The following MYO18A variants were observed in gnomAD, a reference collection of about 807,000 sequenced individuals.
MYO18A encodes myosin XVIIIA.
In MYO18A, 78 loss-of-function variants were observed where a neutral mutation model predicts 235.8. The ratio of observed to expected loss-of-function variants is 0.33; its 90% CI spans 0.28 to 0.40. The LOEUF (loss-of-function observed/expected upper bound fraction) is 0.40. Ranked by LOEUF, MYO18A falls within the 10% of genes least tolerant of loss-of-function variation. MYO18A has a pLI of 1.00. For missense variants in MYO18A, 2,215 were observed against 2,699.3 expected (o/e 0.82, Z 3.98); for synonymous variants, 977 against 1,077.8 (o/e 0.91, Z 1.83).
intron 2 of MYO18A, among the ~76,000 whole-genome samples, chr17:29,155,979 C>CA (rs1161390134): frequency 6.6e-6 from 1 of 152,110 alleles, no homozygotes; most frequent in African/African-American, 2.4e-5. Flanking sequence ...TTCCAGGAAC[C>CA]AAAACTGTCT....
chr17:29,150,787 C>G (rs1370128524), intron 2 of MYO18A, among the ~76,000 whole-genome samples: 1 of 152,230 alleles, frequency 6.6e-6, no homozygotes, highest in East Asian at 1.9e-4. Context: ...TCTTCTGTGC[C>G]TTTGAAAGAC....
intron 13 of MYO18A, 30 bp from the exon 14 acceptor site, chr17:29,115,129 C>T (rs768879639): frequency 6.3e-6 from 10 of 1,587,348 alleles, no homozygotes; most frequent in East Asian, 2.3e-5. Context: ...GTCAGAGCCT[C>T]GCTGGTTGGC....
At chr17:29,086,361 T>G (rs1197426834) in intron 39 of MYO18A, 77 bp downstream of exon 39, 1 of 1,513,908 alleles carries the variant, frequency 6.6e-7, no homozygotes, top group African/African-American at 1.4e-5. Context: ...GCAACTGTTC[T>G]ACCTGGTCGT....
At chr17:29,079,343 C>T (rs2066060161) in intron 41 of MYO18A, among the ~76,000 whole-genome samples, 1 of 152,236 alleles carries the variant, frequency 6.6e-6, no homozygotes, top group East Asian at 1.9e-4. Flanking sequence ...CTGTGCGTGA[C>T]CACATGGCAA....
At chr17:29,085,846 C>G (rs924559568) in intron 39 of MYO18A, among the ~76,000 whole-genome samples, 198 bp from the exon 40 acceptor site, 1 of 152,188 alleles carries the variant, frequency 6.6e-6, no homozygotes, top group African/African-American at 2.4e-5. Context: ...GCACCTCTCC[C>G]CTGCCCCAAA....
In MYO18A at chr17:29,118,507, T is replaced by A. The variant is rs1255063706; in HGVS notation, c.1830-67A>T. On this transcript the variant is annotated intron_variant, in intron 8 of 41. Coordinates refer to ENST00000527372, the MANE Select transcript of MYO18A (RefSeq NM_078471.4). This position sits in a 1 kb window ranked among gnomAD's most constrained non-coding sequence, Gnocchi z 4.2. The stretch of plus-strand genomic sequence containing the variant: ...ATGCCAAGGCCATTTCCGCCCAGGG[T>A]GGAGACAGACAGACTCAGCTTCCAG... 5.6e-6 allele frequency: 8 copies of A among 1,436,464 alleles called. 1 individual carries two copies. The highest frequency in any genetic ancestry group is 1.9e-5 in the Admixed American group (1 of 53,230). 89.0% of individuals were successfully genotyped at this position (1,436,464 alleles called of 1,614,324 possible). A position where few individuals can be genotyped will look rare whatever the true frequency, so the allele number is the denominator to read the frequency against.
In MYO18A at chr17:29,126,066, G is replaced by T; in HGVS notation, c.1000-3813C>A. On this transcript the variant is annotated intron_variant, in intron 2 of 41. Coordinates refer to ENST00000527372, the MANE Select transcript of MYO18A (RefSeq NM_078471.4). The surrounding 1 kb of genome is among the most constrained non-coding windows in gnomAD (Gnocchi z 4.1). ...AGCCACTGGGACCCACTAGGGAAGGGGAGCAGCGCCAGGGAGCAAGCCGCG... is the reference window on the plus strand; with the variant it reads ...AGCCACTGGGACCCACTAGGGAAGGTGAGCAGCGCCAGGGAGCAAGCCGCG... 1.7e-6 allele frequency: 1 copy of T among 600,750 alleles called. No individual in the cohort carries two copies. Among genetic ancestry groups the T allele is most frequent in the Non-Finnish European group, 2.1e-6 (1 of 477,718 alleles). 37.2% of individuals were successfully genotyped at this position (600,750 alleles called of 1,614,324 possible). A position where few individuals can be genotyped will look rare whatever the true frequency, so the allele number is the denominator to read the frequency against.
chr17:29,102,073 T>C (rs1044919179), intron 21 of MYO18A, among the ~76,000 whole-genome samples: 1 of 152,126 alleles, frequency 6.6e-6, no homozygotes, highest in Non-Finnish European at 1.5e-5. Context: ...CGACCTGAAC[T>C]TTCTTTCCCA....
rs1295371847 is a variant in MYO18A at position 29,094,759 on chromosome 17, T to C, written c.4601A>G (p.Glu1534Gly). ...TTTCTTGACCTTGGCCAGAGAAGCC[T>C]CATCCTTGGACTCTTGGGAAGAAAT... ...QDISSQESKD[E>G]ASLAKVKKQL... The change falls in exon 30 of 42, where the codon GAG (glutamate) becomes GGG (glycine). Residue 1534 changes from glutamate to glycine, a missense_variant. Coordinates refer to ENST00000527372, the MANE Select transcript of MYO18A (RefSeq NM_078471.4). The C allele has an allele frequency of 1.2e-6, 2 of 1,614,068 alleles. No individual in the cohort carries two copies. Among genetic ancestry groups the C allele is most frequent in the Non-Finnish European group, 1.7e-6 (2 of 1,179,910 alleles).
chr17:29,134,789 C>A (rs1403393757), intron 2 of MYO18A, among the ~76,000 whole-genome samples: 1 of 152,170 alleles, frequency 6.6e-6, no homozygotes, highest in Non-Finnish European at 1.5e-5. Context: ...TCCCAAAGCG[C>A]TGGGATTACA....
chr17:29,092,078 G>A (rs538784275), intron 34 of MYO18A, among the ~76,000 whole-genome samples: 3 of 152,312 alleles, frequency 2.0e-5, no homozygotes, highest in East Asian at 1.9e-4. Context: ...TGGGGCCTGC[G>A]GCCAAGCTCC....
intron 2 of MYO18A, among the ~76,000 whole-genome samples, chr17:29,129,970 T>G (rs1010740222): frequency 6.6e-6 from 1 of 152,208 alleles, no homozygotes; most frequent in African/African-American, 2.4e-5. Flanking sequence ...CTCCCTCTTC[T>G]GGCTTTCCTC....
At chr17:29,129,490 CT>C (rs1329712910) in intron 2 of MYO18A, among the ~76,000 whole-genome samples, 8 of 152,338 alleles carry the variant, frequency 5.3e-5, no homozygotes, top group Admixed American at 5.2e-4. Context: ...GCCAGGCTGG[CT>C]AACGGCAGGA....
chr17:29,116,464 C>A lies in MYO18A; in HGVS notation c.2039-9G>T, dbSNP rs904642778. 6.2e-7 allele frequency: 1 copy of A among 1,613,960 alleles called. No individual in the cohort carries two copies. The highest frequency in any genetic ancestry group is 1.1e-5 in the South Asian group (1 of 91,086). ...TTTACCTTCAGCAGCTTCTGTAAGGCAAAGGACCAGCATGCAGCATGCAAA... is the reference window on the plus strand; with the variant it reads ...TTTACCTTCAGCAGCTTCTGTAAGGAAAAGGACCAGCATGCAGCATGCAAA... On this transcript the variant is annotated splice_polypyrimidine_tract_variant and intron_variant, in intron 10 of 41. Transcript: ENST00000527372.
chr17:29,074,716 T>A lies in MYO18A; in HGVS notation c.*54A>T. ...GTGCCCCACCACTTCCTGGGAGAGGTGCCCAGGCAGCCACAGGCCCTGGGG... is the reference window on the plus strand; with the variant it reads ...GTGCCCCACCACTTCCTGGGAGAGGAGCCCAGGCAGCCACAGGCCCTGGGG... On this transcript the variant is annotated 3_prime_UTR_variant, in exon 42 of 42. Transcript: ENST00000527372. This position sits in a 1 kb window ranked among gnomAD's most constrained non-coding sequence, Gnocchi z 4.4. 3 of 1,585,188 alleles carry A rather than the reference T, an allele frequency of 1.9e-6. No individual in the cohort carries two copies. The highest frequency in any genetic ancestry group is 1.7e-6 in the Non-Finnish European group (2 of 1,155,868).
intron 41 of MYO18A, chr17:29,080,469 G>A: frequency 1.2e-5 from 12 of 986,132 alleles, no homozygotes; most frequent in Non-Finnish European, 1.4e-5. Context: ...GGCAGCTCCG[G>A]CCCAGGGACA....
At chr17:29,132,352 C>A (rs998131712) in intron 2 of MYO18A, among the ~76,000 whole-genome samples, 15 of 152,228 alleles carry the variant, frequency 9.9e-5, no homozygotes, top group Admixed American at 6.5e-5. Context: ...AAAGTCTTCT[C>A]CTTTCCCCTC....
chr17:29,149,676 G>A (rs150325710), intron 2 of MYO18A, among the ~76,000 whole-genome samples: 14 of 152,378 alleles, frequency 9.2e-5, no homozygotes, highest in African/African-American at 2.9e-4. Context: ...TGACTGGCCC[G>A]ACAGCAGGCC....
At chr17:29,095,122 G>C in intron 28 of MYO18A, 63 bp from the exon 29 acceptor site, 1 of 1,470,816 alleles carries the variant, frequency 6.8e-7, no homozygotes, top group East Asian at 2.5e-5. Flanking sequence ...CACAGACACT[G>C]TCAGGAGGTG....
Sources: gnomAD v4.1 joint callset for allele counts (sites outside exome capture counted in the v4.1 genomes callset) on GRCh38, gnomAD v4.1.1 for gene constraint, Gnocchi (gnomAD v3.1) non-coding constraint, MANE v1.5 for transcripts, NCBI Gene and HGNC (gene_info 2026-07-23, HGNC 2026-07-21) for gene names.